SLC35E4: variants seen among roughly 807,000 people sequenced by gnomAD.
SLC35E4 encodes the protein solute carrier family 35 member E4.
Under a neutral mutation model 19.3 loss-of-function variants are expected in SLC35E4, and 15 were observed. The ratio of observed to expected loss-of-function variants is 0.78; its 90% CI spans 0.52 to 1.20. The LOEUF (loss-of-function observed/expected upper bound fraction) is 1.20. SLC35E4 is among the 50% of genes most tolerant of loss of function. The probability of loss-of-function intolerance (pLI) is 0.00; values close to 1 mark genes in which losing one functional copy is unlikely to be tolerated. For synonymous variants in SLC35E4, 219 were observed against 219.9 expected (o/e 1.00, Z 0.04); for missense variants, 406 against 472.3 (o/e 0.86, Z 1.30).
chr22:30,647,135 C>G lies in SLC35E4; in HGVS notation c.*104C>G. 7.5e-7 allele frequency: 1 copy of G among 1,335,200 alleles called. No individual in the cohort carries two copies. Among genetic ancestry groups the G allele is most frequent in the African/African-American group, 1.5e-5 (1 of 68,080 alleles). 82.7% of individuals were successfully genotyped at this position (1,335,200 alleles called of 1,614,324 possible). ...GAACAGGGCTGGGCATGGTGGCTCACGCCTATAATCCCAGCACTTCCAGAG... is the reference window on the plus strand; with the variant it reads ...GAACAGGGCTGGGCATGGTGGCTCAGGCCTATAATCCCAGCACTTCCAGAG... On this transcript the variant is annotated 3_prime_UTR_variant, in exon 2 of 2. Transcript: ENST00000343605.
chr22:30,650,938 T>C (rs2088198661), downstream of SLC35E4, among the ~76,000 whole-genome samples: 1 of 151,772 alleles, frequency 6.6e-6, no homozygotes, highest in Non-Finnish European at 1.5e-5. Flanking sequence ...CAGGCCTAGC[T>C]GCCTGGTGCC....
At chr22:30,639,576 C>T (rs770092275) in intron 1 of SLC35E4, among the ~76,000 whole-genome samples, 15 of 152,104 alleles carry the variant, frequency 9.9e-5, no homozygotes, top group Non-Finnish European at 1.5e-4. Context: ...AAAAGATGGC[C>T]GCCCCCCAGA....
At chr22:30,651,393 GTGTGTGTATA>G (rs1290437514), downstream of SLC35E4, among the ~76,000 whole-genome samples, 51 of 49,340 alleles carry the variant, frequency 1.0e-3, no homozygotes, top group East Asian at 5.2e-3. Context: ...GTGTGTGTGT[GTGTGTGTATA>G]TATATATATA....
intron 2 of SLC35E4, among the ~76,000 whole-genome samples, chr22:30,653,673 C>T (rs2088273099): frequency 6.6e-6 from 1 of 151,012 alleles, no homozygotes; most frequent in South Asian, 2.1e-4. Flanking sequence ...CACGCCTGGC[C>T]GCCTCCCTTC....
At chr22:30,666,223 AG>A (rs1261097006), downstream of SLC35E4, among the ~76,000 whole-genome samples, 1 of 152,226 alleles carries the variant, frequency 6.6e-6, no homozygotes, top group Non-Finnish European at 1.5e-5. Context: ...TAACGGGAAT[AG>A]AGGAATGTGC....
intron 1 of SLC35E4, among the ~76,000 whole-genome samples, chr22:30,639,156 A>G (rs1278141510): frequency 3.9e-5 from 6 of 152,208 alleles, no homozygotes; most frequent in African/African-American, 1.4e-4. Context: ...AGAGTACAAA[A>G]GGGAGAAATT....
downstream of SLC35E4, among the ~76,000 whole-genome samples, chr22:30,650,196 G>C (rs1215307313): frequency 1.2e-4 from 18 of 150,792 alleles, no homozygotes; most frequent in Non-Finnish European, 2.4e-4. Context: ...GCTGGGCATG[G>C]TGGCAGCCGC....
At chr22:30,655,430 A>ATC (rs2088318533) in intron 2 of SLC35E4, among the ~76,000 whole-genome samples, 1 of 10,876 alleles carries the variant, frequency 9.2e-5, no homozygotes. Context: ...AGATCCTACC[A>ATC]AAAAAAAAAA....
chr22:30,644,835 G>A (rs1379632590), intron 1 of SLC35E4, among the ~76,000 whole-genome samples: 1 of 152,042 alleles, frequency 6.6e-6, no homozygotes, highest in African/African-American at 2.4e-5. Flanking sequence ...TTTGTGAATT[G>A]GCTGGTGGTG....
intron 1 of SLC35E4, among the ~76,000 whole-genome samples, chr22:30,644,335 T>C (rs1019736927): frequency 2.0e-5 from 3 of 152,196 alleles, no homozygotes; most frequent in African/African-American, 7.2e-5. Context: ...GGAAAGTGTG[T>C]GTCAGAAAAT....
chr22:30,641,268 A>G (rs1022508245), intron 1 of SLC35E4, among the ~76,000 whole-genome samples: 1 of 152,188 alleles, frequency 6.6e-6, no homozygotes, highest in Non-Finnish European at 1.5e-5. Flanking sequence ...ATGGAGTGGC[A>G]TGTGCCTGGC....
intron 1 of SLC35E4, among the ~76,000 whole-genome samples, chr22:30,640,873 G>C (rs759425685): frequency 6.6e-6 from 1 of 152,188 alleles, no homozygotes; most frequent in Non-Finnish European, 1.5e-5. Context: ...GGCACACCAA[G>C]AGTGCTGGGC....
intron 1 of SLC35E4, among the ~76,000 whole-genome samples, chr22:30,639,870 C>T (rs535818667): frequency 3.3e-5 from 5 of 152,124 alleles, no homozygotes; most frequent in South Asian, 2.1e-4. Flanking sequence ...GGTCCTGAGG[C>T]GACATACAGC....
chr22:30,655,936 T>G (rs535135543), intron 2 of SLC35E4, among the ~76,000 whole-genome samples: 1,564 of 114,422 alleles, frequency 0.014, 30 homozygotes, highest in African/African-American at 0.067. Context: ...TTCTTAGGAC[T>G]TTTTTTTTTC....
intron 1 of SLC35E4, 143 bp downstream of exon 1, chr22:30,637,212 C>G: frequency 3.1e-6 from 4 of 1,276,004 alleles, no homozygotes; most frequent in Non-Finnish European, 4.2e-6. Flanking sequence ...AGAACTGAGG[C>G]TCAGAGAGGG....
In SLC35E4 at chr22:30,646,631, T is replaced by C; in HGVS notation, c.653T>C (p.Val218Ala). The C allele has an allele frequency of 1.2e-6, 2 of 1,608,692 alleles. No individual in the cohort carries two copies. Among genetic ancestry groups the C allele is most frequent in the Non-Finnish European group, 1.7e-6 (2 of 1,177,198 alleles). The change falls in exon 2 of 2, where the codon GTG becomes GCG. Residue 218 changes from valine to alanine, a missense_variant. Transcript: ENST00000343605. Reference protein sequence around the residue: ...ALLQEERLDAVTLLYATSLPS... With the variant: ...ALLQEERLDAATLLYATSLPS... ...CTGCAGGAGGAGAGGCTGGACGCGG[T>C]GACCCTGCTTTACGCCACCTCGCTG...
At position 30,647,233 on chromosome 22, in the gene SLC35E4, A is replaced by C. The variant is rs1166196112; in HGVS notation, c.*202A>C. 1 of 638,300 alleles carries C rather than the reference A, an allele frequency of 1.6e-6. No individual in the cohort carries two copies. Among genetic ancestry groups the C allele is most frequent in the Non-Finnish European group, 2.6e-6 (1 of 382,814 alleles). The allele number at this position is 638,300 out of a possible 1,614,324, so 39.5% of individuals were successfully genotyped here. On this transcript the variant is annotated 3_prime_UTR_variant, in exon 2 of 2. Coordinates refer to ENST00000343605, the MANE Select transcript of SLC35E4 (RefSeq NM_001001479.4). ...GCTAACATGGCAAAACCTCATCTCT[A>C]CTAAAAATAGAAAAATTAGCTGGGC...
chr22:30,649,489 G>A (rs574556205), downstream of SLC35E4, among the ~76,000 whole-genome samples: 5 of 128,974 alleles, frequency 3.9e-5, 1 homozygote, highest in South Asian at 7.1e-4. Context: ...AGCCCACGGC[G>A]GGGTGGGAGT....
chr22:30,641,378 C>T (rs780847110), intron 1 of SLC35E4, among the ~76,000 whole-genome samples: 35 of 152,128 alleles, frequency 2.3e-4, no homozygotes, highest in Non-Finnish European at 4.4e-4. Context: ...TGGGCTCCTG[C>T]GGTATCCTCT....
Sources: gnomAD v4.1 joint callset for allele counts (sites outside exome capture counted in the v4.1 genomes callset) on GRCh38, gnomAD v4.1.1 for gene constraint, MANE v1.5 for transcripts, NCBI Gene and HGNC (gene_info 2026-07-23, HGNC 2026-07-21) for gene names.